The following SH3BGRL2 variants were observed in gnomAD, a reference collection of about 807,000 sequenced individuals.
SH3BGRL2 encodes SH3 domain-binding glutamic acid-rich-like protein 2.
In SH3BGRL2, 21 loss-of-function variants were observed where a neutral mutation model predicts 14.8. The observed-to-expected ratio is 1.42, with a 90% CI of 1.01 to 2.05. The LOEUF (loss-of-function observed/expected upper bound fraction) is 2.05, where lower values mean the gene tolerates loss of function less well. Among genes scored for constraint, SH3BGRL2 ranks in the 30% most tolerant of loss-of-function variants. The probability of loss-of-function intolerance (pLI) is 0.00; values close to 1 mark genes in which losing one functional copy is unlikely to be tolerated. For synonymous variants in SH3BGRL2, 50 were observed against 47.8 expected, an observed-to-expected ratio of 1.05 and a Z score of -0.19; for missense variants, 147 against 130.8, an observed-to-expected ratio of 1.12 and a Z score of -0.61.
At chr6:79,558,403 TATATC>T in the SH3BGRL2 span, among the ~76,000 whole-genome samples, 10 of 152,204 alleles carry the variant, frequency 6.6e-5, no homozygotes, top group Non-Finnish European at 1.3e-4. Flanking sequence ...GTTATATAAA[TATATC>T]ATATAAATAT....
At chr6:79,571,023 A>G in the SH3BGRL2 span, among the ~76,000 whole-genome samples, 1 of 152,240 alleles carries the variant, frequency 6.6e-6, no homozygotes, top group Non-Finnish European at 1.5e-5. Flanking sequence ...ATTGCATTTT[A>G]TAGAACTAAC....
At chr6:79,553,873 C>T in the SH3BGRL2 span, among the ~76,000 whole-genome samples, 1 of 151,476 alleles carries the variant, frequency 6.6e-6, no homozygotes, top group African/African-American at 2.4e-5. Context: ...GAGACTGAGG[C>T]AGGAGAATCG....
intron 1 of SH3BGRL2, among the ~76,000 whole-genome samples, chr6:79,633,004 G>A (rs960785013): frequency 3.3e-5 from 5 of 152,170 alleles, no homozygotes; most frequent in African/African-American, 9.7e-5. Context: ...AGGCTACTTT[G>A]GAGCAAGTCG....
chr6:79,696,412 T>G (rs1770332637), intron 2 of SH3BGRL2, 73 bp from the exon 3 acceptor site: 3 of 1,127,192 alleles, frequency 2.7e-6, no homozygotes, highest in Non-Finnish European at 3.9e-6. Flanking sequence ...CATAAAGAAT[T>G]TGTTCAAAGT....
chr6:79,603,782 A>G, the SH3BGRL2 span, among the ~76,000 whole-genome samples: 2 of 152,112 alleles, frequency 1.3e-5, no homozygotes, highest in African/African-American at 2.4e-5. Flanking sequence ...TTTTGCCAGC[A>G]TTTCATCCCC....
chr6:79,643,194 G>A (rs1707852776), intron 1 of SH3BGRL2, among the ~76,000 whole-genome samples: 1 of 152,162 alleles, frequency 6.6e-6, no homozygotes, highest in South Asian at 2.1e-4. Flanking sequence ...GGGTAATTAA[G>A]TAGCATGTCT....
chr6:79,592,209 C>G, the SH3BGRL2 span, among the ~76,000 whole-genome samples: 1 of 152,148 alleles, frequency 6.6e-6, no homozygotes, highest in Non-Finnish European at 1.5e-5. Context: ...TTTGATGTTG[C>G]ACTTGAAGAG....
intron 1 of SH3BGRL2, among the ~76,000 whole-genome samples, chr6:79,637,889 G>C (rs572877962): frequency 9.0e-6 from 1 of 111,614 alleles, no homozygotes; most frequent in Admixed American, 9.0e-5. Context: ...ATTAAGATAA[G>C]CTTTAAATTC....
chr6:79,587,033 C>A, the SH3BGRL2 span, among the ~76,000 whole-genome samples: 43 of 152,210 alleles, frequency 2.8e-4, no homozygotes, highest in African/African-American at 1.0e-3. Context: ...ATCTAGACCC[C>A]CAGGTGGTCC....
the SH3BGRL2 span, among the ~76,000 whole-genome samples, chr6:79,597,996 A>G: frequency 6.6e-6 from 1 of 152,254 alleles, no homozygotes; most frequent in African/African-American, 2.4e-5. Context: ...CCATAATCAC[A>G]TGAAAGGATA....
At chr6:79,566,285 C>T in the SH3BGRL2 span, among the ~76,000 whole-genome samples, 4 of 152,172 alleles carry the variant, frequency 2.6e-5, no homozygotes, top group East Asian at 1.9e-4. Flanking sequence ...AATTCATACA[C>T]TAAACCTCCT....
At chr6:79,596,306 C>T in the SH3BGRL2 span, among the ~76,000 whole-genome samples, 2,552 of 148,246 alleles carry the variant, frequency 0.017, 31 homozygotes, top group Middle Eastern at 0.04. Context: ...ACTACAGGCA[C>T]GTGCCACTGT....
the SH3BGRL2 span, among the ~76,000 whole-genome samples, chr6:79,625,223 CATAT>C: frequency 1.4e-5 from 2 of 139,104 alleles, no homozygotes; most frequent in Non-Finnish European, 1.5e-5. Flanking sequence ...TATACACACA[CATAT>C]ATATATACAC....
intron 1 of SH3BGRL2, among the ~76,000 whole-genome samples, chr6:79,640,798 C>T (rs1769016220): frequency 6.6e-6 from 1 of 151,868 alleles, no homozygotes. Flanking sequence ...GATGTGTTTG[C>T]CATTTCCTAC....
the SH3BGRL2 span, among the ~76,000 whole-genome samples, chr6:79,588,134 A>C: frequency 4.6e-5 from 7 of 152,132 alleles, no homozygotes; most frequent in African/African-American, 1.4e-4. Context: ...TCTACTAAAA[A>C]TACAAAAAAT....
the SH3BGRL2 span, chr6:79,574,043 T>A: frequency 6.6e-6 from 1 of 152,212 alleles, no homozygotes; most frequent in African/African-American, 2.4e-5. Flanking sequence ...CCTGAGCCCC[T>A]TATAGTTCTT....
At chr6:79,693,688 A>T (rs1334618398) in intron 2 of SH3BGRL2, among the ~76,000 whole-genome samples, 1 of 152,192 alleles carries the variant, frequency 6.6e-6, no homozygotes, top group African/African-American at 2.4e-5. Flanking sequence ...TGAACCAGCC[A>T]TGCATCCCAG....
chr6:79,687,694 G>A (rs1770129251), intron 2 of SH3BGRL2, among the ~76,000 whole-genome samples: 1 of 152,136 alleles, frequency 6.6e-6, no homozygotes, highest in Admixed American at 6.5e-5. Context: ...TTGAGAAGCA[G>A]CCACTGTTCA....
chr6:79,572,935 T>C, the SH3BGRL2 span, among the ~76,000 whole-genome samples: 1 of 152,154 alleles, frequency 6.6e-6, no homozygotes, highest in African/African-American at 2.4e-5. Context: ...TCTTCTCTAG[T>C]TAGTGGTTTG....
Sources: gnomAD v4.1 joint callset for allele counts (sites outside exome capture counted in the v4.1 genomes callset) on GRCh38, gnomAD v4.1.1 for gene constraint, MANE v1.5 for transcripts, NCBI Gene and HGNC (gene_info 2026-07-23, HGNC 2026-07-21) for gene names.